VWA3B: variants seen among roughly 807,000 people sequenced by gnomAD.
VWA3B encodes von Willebrand factor A domain-containing protein 3B.
In VWA3B, 138 loss-of-function variants were observed where a neutral mutation model predicts 158.3. The ratio of observed to expected loss-of-function variants is 0.87; its 90% CI spans 0.76 to 1.00. VWA3B has a LOEUF of 1.00. VWA3B is among the 50% of genes least tolerant of loss of function. VWA3B has a pLI of 0.00. For missense variants in VWA3B, 1,555 were observed against 1,565.1 expected, an observed-to-expected ratio of 0.99 and a Z score of 0.11; for synonymous variants, 596 against 587.3, an observed-to-expected ratio of 1.01 and a Z score of -0.21.
In VWA3B at chr2:98,218,044, G is replaced by A. The variant is rs557935029; in HGVS notation, c.2019+16G>A. 21 of 1,588,460 alleles carry A rather than the reference G, an allele frequency of 1.3e-5. No individual in the cohort carries two copies. In the South Asian group the frequency reaches 2.4e-4, roughly 18 times the overall value. ...GGCTGTTCAGGTAAGAGCTTGGTGG[G>A]CTAAGAAGGGAGTGTTCATTTGTTT... On this transcript the variant is annotated intron_variant, in intron 14 of 27. Transcript: ENST00000477737.
At chr2:98,300,286 G>A (rs1217286680) in intron 25 of VWA3B, 70 bp downstream of exon 25, 23 of 1,591,712 alleles carry the variant, frequency 1.4e-5, no homozygotes, top group South Asian at 1.1e-5. Context: ...GCACTGCCAG[G>A]CTTCTTGATG....
chr2:98,115,101 C>CTTTTTTTTT (rs369549458), intron 2 of VWA3B, among the ~76,000 whole-genome samples: 2 of 131,644 alleles, frequency 1.5e-5, no homozygotes, highest in Admixed American at 7.7e-5. Flanking sequence ...TCCTATGTTG[C>CTTTTTTTTT]TTTTTTTTTT....
At chr2:98,311,413 A>G (rs1485062677) in intron 26 of VWA3B, among the ~76,000 whole-genome samples, 3 of 152,214 alleles carry the variant, frequency 2.0e-5, no homozygotes, top group Non-Finnish European at 4.4e-5. Flanking sequence ...TTACAGAAAC[A>G]CAGGGTGTGA....
rs1290825777 is a variant in VWA3B, at chr2:98,211,913, G to A, written c.1738-17G>A. On this transcript the variant is annotated splice_polypyrimidine_tract_variant and intron_variant, in intron 12 of 27. Coordinates refer to ENST00000477737, the MANE Select transcript of VWA3B (RefSeq NM_144992.5). ...TTTGGGATTCAAGTGTGTCCTTGGT[G>A]TCTCTTTTTTCCGTAGATTGGAAGC... 3.7e-6 allele frequency: 6 copies of A among 1,610,660 alleles called. No individual in the cohort carries two copies. The highest frequency in any genetic ancestry group is 1.1e-5 in the South Asian group (1 of 90,882).
chr2:98,108,108 T>C (rs1311216006), intron 2 of VWA3B, among the ~76,000 whole-genome samples: 1 of 152,138 alleles, frequency 6.6e-6, no homozygotes, highest in East Asian at 1.9e-4. Context: ...CAAGACTTCC[T>C]CTTTGACTTA....
rs558845590 is a variant in VWA3B at position 98,182,691 on chromosome 2, G to A, written c.1311+1479G>A. Among the ~76,000 whole-genome samples the A allele has an allele frequency of 3.0e-4, 45 of 152,014 alleles. No individual in the cohort carries two copies. In the South Asian group the frequency reaches 4.6e-3, roughly 15 times the overall value. ...TCCCAGCACTTTGGGAGGCCAAGGC[G>A]GGCAGATCACTTGAGGTCAGGAGTT... On this transcript the variant is annotated intron_variant, in intron 9 of 27. Coordinates refer to ENST00000477737, the MANE Select transcript of VWA3B (RefSeq NM_144992.5).
intron 26 of VWA3B, among the ~76,000 whole-genome samples, chr2:98,306,074 C>G (rs1031592081): frequency 1.3e-5 from 2 of 152,130 alleles, no homozygotes; most frequent in Non-Finnish European, 2.9e-5. Flanking sequence ...TTTCTCAGGT[C>G]TCTGTGCCTT....
intron 8 of VWA3B, among the ~76,000 whole-genome samples, chr2:98,179,830 T>C (rs866002796): frequency 8.3e-5 from 11 of 132,448 alleles, no homozygotes; most frequent in South Asian, 4.6e-4. Flanking sequence ...TTCTTTCTTT[T>C]TCTTTCTTTC....
chr2:98,200,275 G>T (rs909984633), intron 12 of VWA3B, among the ~76,000 whole-genome samples: 8 of 152,132 alleles, frequency 5.3e-5, no homozygotes, highest in Non-Finnish European at 1.0e-4. Context: ...AGGCACGGTG[G>T]CTCACGCCTG....
the VWA3B span, among the ~76,000 whole-genome samples, chr2:98,327,120 C>A: frequency 3.3e-5 from 5 of 151,926 alleles, no homozygotes; most frequent in Middle Eastern, 3.4e-3. Flanking sequence ...CATGGCGAAA[C>A]CTGTCTCTAC....
chr2:98,311,406 C>G (rs1173460130), intron 26 of VWA3B, among the ~76,000 whole-genome samples: 1 of 152,150 alleles, frequency 6.6e-6, no homozygotes, highest in Non-Finnish European at 1.5e-5. Context: ...GGAGTCATTA[C>G]AGAAACACAG....
At chr2:98,281,958 CTT>C (rs551751024) in intron 22 of VWA3B, among the ~76,000 whole-genome samples, 141 of 152,346 alleles carry the variant, frequency 9.3e-4, no homozygotes, top group African/African-American at 3.1e-3. Context: ...TTCCCTCTGA[CTT>C]TCATCACCCA....
chr2:98,206,793 C>G, intron 12 of VWA3B: 1 of 371,446 alleles, frequency 2.7e-6, no homozygotes, highest in South Asian at 2.1e-5. Context: ...TTGTACCCAT[C>G]ATGGAGTTAA....
intron 14 of VWA3B, among the ~76,000 whole-genome samples, chr2:98,220,089 G>A (rs948400639): frequency 2.7e-5 from 4 of 146,996 alleles, no homozygotes; most frequent in Middle Eastern, 3.3e-3. Context: ...ACTTGAACCC[G>A]GGAGGCAGAG....
At chr2:98,256,050 G>A in intron 20 of VWA3B, 74 bp from the exon 21 acceptor site, 1 of 1,555,634 alleles carries the variant, frequency 6.4e-7, no homozygotes, top group Non-Finnish European at 8.8e-7. Context: ...TCCCACTGCG[G>A]TGCCTGGGGT....
intron 12 of VWA3B, among the ~76,000 whole-genome samples, chr2:98,195,053 T>G (rs990721683): frequency 6.6e-6 from 1 of 152,250 alleles, no homozygotes; most frequent in African/African-American, 2.4e-5. Flanking sequence ...CCCTAAATTT[T>G]CTTATCTTGA....
At chr2:98,250,514 T>C (rs1686734082) in intron 20 of VWA3B, 78 bp downstream of exon 20, 1 of 1,195,460 alleles carries the variant, frequency 8.4e-7, no homozygotes, top group Non-Finnish European at 1.2e-6. Context: ...TGTTTTAGCT[T>C]AGCTTTTTTT....
chr2:98,207,398 T>C lies in VWA3B; in HGVS notation c.1738-4532T>C, dbSNP rs1434605418. 3.3e-5 allele frequency: 16 copies of C among 477,696 alleles called. No individual in the cohort carries two copies. The East Asian group carries it at 8.4e-4, about 25-fold the overall frequency. 29.6% of individuals were successfully genotyped at this position (477,696 alleles called of 1,614,324 possible). ...ATTGTTGGCAATGAGCATAATGATG[T>C]TGCCCGTGGGGTGCAAAAGATTCTG... On this transcript the variant is annotated intron_variant, in intron 12 of 27. Coordinates refer to ENST00000477737, the MANE Select transcript of VWA3B (RefSeq NM_144992.5).
chr2:98,225,369 A>G (rs1051061186), intron 14 of VWA3B, among the ~76,000 whole-genome samples: 1 of 152,254 alleles, frequency 6.6e-6, no homozygotes, highest in African/African-American at 2.4e-5. Context: ...TGGTTTTATC[A>G]ATTGATGCAG....
Sources: gnomAD v4.1 joint callset for allele counts (sites outside exome capture counted in the v4.1 genomes callset) on GRCh38, gnomAD v4.1.1 for gene constraint, MANE v1.5 for transcripts, NCBI Gene and HGNC (gene_info 2026-07-23, HGNC 2026-07-21) for gene names.